CDH2: variants seen among roughly 807,000 people sequenced by gnomAD.
CDH2 encodes cadherin 2.
In CDH2, 17 loss-of-function variants were observed where a neutral mutation model predicts 92.0. That is an observed-to-expected ratio of 0.18 (90% CI 0.13 to 0.28). The LOEUF (loss-of-function observed/expected upper bound fraction) is 0.28. CDH2 is among the 10% of genes least tolerant of loss of function. The probability of loss-of-function intolerance (pLI) is 1.00; values close to 1 mark genes in which losing one functional copy is unlikely to be tolerated. For missense variants in CDH2, 862 were observed against 1,133.1 expected (o/e 0.76, Z 3.44); for synonymous variants, 419 against 415.9 (o/e 1.01, Z -0.09).
intron 2 of CDH2, among the ~76,000 whole-genome samples, chr18:28,076,397 G>A (rs1047297557): frequency 1.3e-5 from 2 of 152,130 alleles, no homozygotes; most frequent in African/African-American, 2.4e-5. Context: ...CTGTTAGATA[G>A]AGACTCACAT....
chr18:28,046,393 T>C (rs913247128), intron 2 of CDH2, among the ~76,000 whole-genome samples: 2 of 152,170 alleles, frequency 1.3e-5, no homozygotes, highest in Non-Finnish European at 2.9e-5. Context: ...ATTATTTCTT[T>C]AAAAATGTTG....
At chr18:27,952,518 C>T (rs1166444848) in intron 15 of CDH2, among the ~76,000 whole-genome samples, 159 bp from the exon 16 acceptor site, 1 of 152,048 alleles carries the variant, frequency 6.6e-6, no homozygotes, top group African/African-American at 2.4e-5. Flanking sequence ...GGAGATATAA[C>T]CATTTGAAAG....
chr18:27,965,717 AAG>A (rs2011516635), intron 14 of CDH2, among the ~76,000 whole-genome samples: 1 of 152,146 alleles, frequency 6.6e-6, no homozygotes, highest in Admixed American at 6.5e-5. Flanking sequence ...ACACGACAAA[AAG>A]AGGGATTTAG....
rs2015834379 is a variant in CDH2 at position 28,134,809 on chromosome 18, G to A, written c.172+12864C>T. 2.0e-5 allele frequency among the ~76,000 whole-genome samples: 3 copies of A among 152,200 alleles called. 1 individual carries two copies. The South Asian group carries it at 6.2e-4, about 31-fold the overall frequency. ...CCTCAGAGAAACCAAGCAAAGTTGT[G>A]TGATCATTCTTGAAAAGAGGATGGG... On this transcript the variant is annotated intron_variant, in intron 2 of 15. Coordinates refer to ENST00000269141, the MANE Select transcript of CDH2 (RefSeq NM_001792.5).
intron 1 of CDH2, among the ~76,000 whole-genome samples, chr18:28,153,053 A>C (rs1024678495): frequency 3.3e-5 from 5 of 152,150 alleles, no homozygotes; most frequent in Admixed American, 6.5e-5. Flanking sequence ...AGTGCTAAAG[A>C]AGCAGAAAGA....
chr18:27,942,597 T>C (rs1239463110), intron 6 of CDH2, among the ~76,000 whole-genome samples: 3 of 152,180 alleles, frequency 2.0e-5, no homozygotes, highest in Non-Finnish European at 2.9e-5. Flanking sequence ...AGTTAGTATA[T>C]TAGAAAAACA....
chr18:28,077,261 T>G (rs895032122), intron 2 of CDH2, among the ~76,000 whole-genome samples: 2 of 152,200 alleles, frequency 1.3e-5, no homozygotes, highest in African/African-American at 4.8e-5. Flanking sequence ...ATCAGAAGGT[T>G]GTAAGCAGAA....
chr18:28,167,906 G>C (rs772004027), intron 1 of CDH2, among the ~76,000 whole-genome samples: 9 of 151,976 alleles, frequency 5.9e-5, no homozygotes, highest in Non-Finnish European at 1.0e-4. Flanking sequence ...CAATATTTTC[G>C]CTGCAAAAAC....
chr18:28,119,407 G>C (rs762820968), intron 2 of CDH2, among the ~76,000 whole-genome samples: 3 of 151,936 alleles, frequency 2.0e-5, no homozygotes, highest in Non-Finnish European at 2.9e-5. Flanking sequence ...ACCACAACCT[G>C]CTAGAAAACA....
At position 28,079,225 on chromosome 18, in the gene CDH2, T is replaced by G. The variant is rs17494416; in HGVS notation, c.173-65316A>C. ...TCATCATCCATGAATGGGATAAGTG[T>G]TTTTTCTCATCCTCCCTTCAGATTA... On this transcript the variant is annotated intron_variant, in intron 2 of 15. Transcript: ENST00000269141. Among the ~76,000 whole-genome samples the G allele has an allele frequency of 3.0e-3, 455 of 152,264 alleles. 3 individuals are homozygous for G. The highest frequency in any genetic ancestry group is 0.01 in the African/African-American group (434 of 41,560).
At chr18:27,955,780 T>TTTTTTTTTTTTTTA (rs397802200) in intron 15 of CDH2, among the ~76,000 whole-genome samples, 1 of 143,124 alleles carries the variant, frequency 7.0e-6, no homozygotes, top group Non-Finnish European at 1.5e-5. Context: ...TTTTTTTTTT[T>TTTTTTTTTTTTTTA]AAAGAGGTTA....
intron 2 of CDH2, among the ~76,000 whole-genome samples, chr18:28,117,629 A>G (rs1330034742): frequency 1.3e-5 from 2 of 152,086 alleles, no homozygotes; most frequent in Non-Finnish European, 2.9e-5. Context: ...CACAAATCCC[A>G]CTTTGCAGAA....
Position 27,993,377 on chromosome 18 carries a change from G to A in CDH2, c.1158+123C>T, listed in dbSNP as rs1252932956. 17 of 917,536 alleles carry A rather than the reference G, an allele frequency of 1.9e-5. No individual in the cohort carries two copies. In the East Asian group the frequency reaches 4.3e-4, roughly 23 times the overall value. 56.8% of individuals were successfully genotyped at this position (917,536 alleles called of 1,614,324 possible). ...CCTGATGACAGAAATGTCCGAGTTA[G>A]CAGCCATGCTACTATTAGGTGAAGC... is the stretch of plus-strand genomic sequence containing the variant. On this transcript the variant is annotated intron_variant, in intron 8 of 15. Coordinates refer to ENST00000269141, the MANE Select transcript of CDH2 (RefSeq NM_001792.5).
intron 4 of CDH2, 35 bp from the exon 5 acceptor site, chr18:28,009,907 G>A (rs201714576): frequency 2.6e-6 from 4 of 1,540,286 alleles, no homozygotes; most frequent in South Asian, 1.2e-5. Context: ...TTAAGTGAGA[G>A]ACTAAATGAG....
At chr18:27,980,812 AAC>A in intron 14 of CDH2, among the ~76,000 whole-genome samples, 1 of 151,496 alleles carries the variant, frequency 6.6e-6, no homozygotes, top group Non-Finnish European at 1.5e-5. Context: ...AAAAAAAAAA[AAC>A]CCCAAAAGCC....
At chr18:28,064,479 T>A (rs1021623252) in intron 2 of CDH2, among the ~76,000 whole-genome samples, 1 of 149,984 alleles carries the variant, frequency 6.7e-6, no homozygotes, top group Admixed American at 6.6e-5. Context: ...CCATGAGGCA[T>A]CAGCCAAAGC....
intron 1 of CDH2, among the ~76,000 whole-genome samples, chr18:28,174,423 C>T (rs2016507611): frequency 2.0e-5 from 3 of 152,240 alleles, no homozygotes; most frequent in South Asian, 2.1e-4. Context: ...ACTCATGTTG[C>T]GTAAACTGCT....
At chr18:28,004,804 T>C (rs1229054390) in intron 6 of CDH2, among the ~76,000 whole-genome samples, 3 of 152,114 alleles carry the variant, frequency 2.0e-5, no homozygotes, top group Admixed American at 2.0e-4. Flanking sequence ...TGGCTGAACT[T>C]CCTGCACAGC....
intron 2 of CDH2, among the ~76,000 whole-genome samples, chr18:28,143,131 A>G (rs898204376): frequency 2.0e-5 from 3 of 152,036 alleles, no homozygotes; most frequent in African/African-American, 7.2e-5. Flanking sequence ...TGGATTACTG[A>G]AAATATTCAT....
Sources: gnomAD v4.1 joint callset for allele counts (sites outside exome capture counted in the v4.1 genomes callset) on GRCh38, gnomAD v4.1.1 for gene constraint, MANE v1.5 for transcripts, NCBI Gene and HGNC (gene_info 2026-07-23, HGNC 2026-07-21) for gene names.